The following NECTIN1 variants were observed in gnomAD, a reference collection of about 807,000 sequenced individuals.
NECTIN1 encodes nectin cell adhesion molecule 1.
A neutral mutation model predicts 48.0 loss-of-function variants in NECTIN1; 23 were observed. That is an observed-to-expected ratio of 0.48 (90% CI 0.34 to 0.68). The LOEUF is 0.68. NECTIN1 is among the 30% of genes least tolerant of loss of function. NECTIN1 has a pLI of 0.01. For synonymous variants in NECTIN1, 270 were observed against 288.9 expected (o/e 0.93, Z 0.66); for missense variants, 591 against 709.9 (o/e 0.83, Z 1.90).
downstream of NECTIN1, among the ~76,000 whole-genome samples, chr11:119,658,293 A>G (rs898134679): frequency 1.3e-5 from 2 of 152,164 alleles, no homozygotes; most frequent in Non-Finnish European, 2.9e-5. Flanking sequence ...GCAGCGCCTC[A>G]TCTGGGAGTA....
intron 1 of NECTIN1, among the ~76,000 whole-genome samples, chr11:119,682,818 A>T (rs1007430585): frequency 6.6e-6 from 1 of 152,020 alleles, no homozygotes; most frequent in African/African-American, 2.4e-5. Flanking sequence ...TCATTCAACA[A>T]ATATTTGCTG....
rs1271071689 is a variant in NECTIN1 at position 119,663,942 on chromosome 11, G to A, written c.*805C>T. ...AGGGGAAAGCAGGCAGAGAGGAGCA[G>A]TGTGTGCATGTGTGTGTGTGTGCAC... On this transcript the variant is annotated 3_prime_UTR_variant, in exon 6 of 6. Transcript: ENST00000264025. 2 of 985,954 alleles carry A rather than the reference G, an allele frequency of 2.0e-6. No homozygotes were observed. Among genetic ancestry groups the A allele is most frequent in the Non-Finnish European group, 1.2e-6 (1 of 830,398 alleles). 61.1% of individuals were successfully genotyped at this position (985,954 alleles called of 1,614,324 possible). A position where few individuals can be genotyped will look rare whatever the true frequency, so the allele number is the denominator to read the frequency against.
intron 1 of NECTIN1, among the ~76,000 whole-genome samples, chr11:119,710,722 G>T (rs1373102249): frequency 6.6e-6 from 1 of 152,170 alleles, no homozygotes; most frequent in Non-Finnish European, 1.5e-5. Context: ...GAGCTTATGG[G>T]ATAAGCCCAG....
rs1865930755 is a variant in NECTIN1 at position 119,727,576 on chromosome 11, A to G, written c.79+899T>C. ...GGGACTCGGTCGGATTTGCCTCCTAAACGCATTTTCCAGTTCATTCCCCAG... is the reference window on the plus strand; with the variant it reads ...GGGACTCGGTCGGATTTGCCTCCTAGACGCATTTTCCAGTTCATTCCCCAG... On this transcript the variant is annotated intron_variant, in intron 1 of 5. Transcript: ENST00000264025. This position sits in a 1 kb window ranked among gnomAD's most constrained non-coding sequence, Gnocchi z 4.1. Among the ~76,000 whole-genome samples the G allele has an allele frequency of 6.6e-6, 1 of 152,090 alleles. No individual in the cohort carries two copies. The highest frequency in any genetic ancestry group is 6.5e-5 in the Admixed American group (1 of 15,284).
chr11:119,678,389 C>A lies in NECTIN1; in HGVS notation c.430+26G>T. The A allele has an allele frequency of 6.2e-7, 1 of 1,603,822 alleles. No individual in the cohort carries two copies. Among genetic ancestry groups the A allele is most frequent in the Non-Finnish European group, 8.5e-7 (1 of 1,170,876 alleles). On this transcript the variant is annotated intron_variant, in intron 2 of 5. Coordinates refer to ENST00000264025, the MANE Select transcript of NECTIN1 (RefSeq NM_002855.5). The surrounding 1 kb of genome is among the most constrained non-coding windows in gnomAD (Gnocchi z 4.4). ...CCGAGGTCACAGGCCTCTGGATGAA[C>A]AGGGAGGGGGCCCAGGGCAGCTTAC...
chr11:119,671,253 C>T (rs960317928), intron 5 of NECTIN1, among the ~76,000 whole-genome samples: 1 of 151,984 alleles, frequency 6.6e-6, no homozygotes, highest in African/African-American at 2.4e-5. Flanking sequence ...AGCAGAGCTG[C>T]AAGGGCCGCA....
rs1865130134 is a variant in NECTIN1, at chr11:119,684,960, C to G, written c.80-6195G>C. Among the ~76,000 whole-genome samples, 1 of 151,952 alleles carries G rather than the reference C, an allele frequency of 6.6e-6. No homozygotes were observed. Among genetic ancestry groups the G allele is most frequent in the Non-Finnish European group, 1.5e-5 (1 of 67,970 alleles). ...CTGCCCCCTCCTGCCTCCAGACTCC[C>G]CTCTACACTCAGGATGGGGAGGAGG... On this transcript the variant is annotated intron_variant, in intron 1 of 5. Coordinates refer to ENST00000264025, the MANE Select transcript of NECTIN1 (RefSeq NM_002855.5). This position sits in a 1 kb window ranked among gnomAD's most constrained non-coding sequence, Gnocchi z 5.2.
rs1864732440 is a variant in NECTIN1, at chr11:119,664,840, G to GCCCAGAGT, written c.1453_1460dup (p.Tyr488LeufsTer113). ...CCAGCTGCTCAGGGTCGTACTGGTA[G>GCCCAGAGT]CCCAGAGTCCGGTCCCCGTAGCCGT... On this transcript the variant is annotated frameshift_variant, in exon 6 of 6. Coordinates refer to ENST00000264025, the MANE Select transcript of NECTIN1 (RefSeq NM_002855.5). LOFTEE classifies it high-confidence loss of function. 1 of 1,613,812 alleles carries GCCCAGAGT rather than the reference G, an allele frequency of 6.2e-7. No individual in the cohort carries two copies. Among genetic ancestry groups the GCCCAGAGT allele is most frequent in the Non-Finnish European group, 8.5e-7 (1 of 1,179,932 alleles).
At chr11:119,688,365 A>T (rs1279562987) in intron 1 of NECTIN1, among the ~76,000 whole-genome samples, 2 of 151,990 alleles carry the variant, frequency 1.3e-5, no homozygotes, top group East Asian at 3.9e-4. Flanking sequence ...CCACCCTGTG[A>T]TCCTGAGCAG....
intron 6 of NECTIN1, among the ~76,000 whole-genome samples, chr11:119,639,183 CA>C (rs2135521561): frequency 6.6e-6 from 1 of 152,252 alleles, no homozygotes; most frequent in South Asian, 2.1e-4. Context: ...CAGCCTTAGC[CA>C]GCACGGGAAA....
At position 119,663,019 on chromosome 11, in the gene NECTIN1, G is replaced by GAGGGC. The variant is rs1864693851; in HGVS notation, c.*1727_*1728insGCCCT. On this transcript the variant is annotated 3_prime_UTR_variant, in exon 6 of 6. Transcript: ENST00000264025. ...CAGGGGGTTCAATAGCAGCACCAGGGAGGGGAGGGGAGGGGTTGGGGGGCT... is the reference window on the plus strand; with the variant it reads ...CAGGGGGTTCAATAGCAGCACCAGGGAGGGCAGGGGAGGGGAGGGGTTGGGGGGCT... The GAGGGC allele has an allele frequency of 1.0e-6, 1 of 974,436 alleles. No homozygotes were observed. Among genetic ancestry groups the GAGGGC allele is most frequent in the African/African-American group, 1.8e-5 (1 of 54,786 alleles). The allele number at this position is 974,436 out of a possible 1,614,324, so 60.4% of individuals were successfully genotyped here.
chr11:119,701,760 C>T (rs1451995788), intron 1 of NECTIN1, among the ~76,000 whole-genome samples: 2 of 152,158 alleles, frequency 1.3e-5, no homozygotes, highest in Non-Finnish European at 2.9e-5. Flanking sequence ...GCTTTATTTT[C>T]CTGCCCAACA....
intron 5 of NECTIN1, among the ~76,000 whole-genome samples, chr11:119,655,013 G>A (rs889745518): frequency 1.9e-4 from 29 of 151,412 alleles, no homozygotes; most frequent in East Asian, 3.9e-4. Flanking sequence ...GGGATCTAGC[G>A]ATTCTCCGGC....
At chr11:119,654,611 G>A (rs531247041) in intron 5 of NECTIN1, among the ~76,000 whole-genome samples, 144 of 150,278 alleles carry the variant, frequency 9.6e-4, no homozygotes, top group Admixed American at 3.0e-3. Context: ...TCGCTCAGTC[G>A]CCCATGCTGG....
intron 1 of NECTIN1, among the ~76,000 whole-genome samples, chr11:119,726,692 A>G (rs1015482861): frequency 2.6e-5 from 4 of 152,174 alleles, no homozygotes; most frequent in Admixed American, 6.5e-5. Context: ...AACAAAAGGA[A>G]GGAGAATAGG....
chr11:119,703,514 G>A (rs563390971), intron 1 of NECTIN1, among the ~76,000 whole-genome samples: 3 of 152,266 alleles, frequency 2.0e-5, no homozygotes, highest in African/African-American at 7.2e-5. Flanking sequence ...GATCCCCTGT[G>A]TACCCAGGAT....
chr11:119,647,222 T>TGTGTGTGTGTGTGTGA (rs1365050105), intron 5 of NECTIN1, among the ~76,000 whole-genome samples: 9 of 108,012 alleles, frequency 8.3e-5, no homozygotes, highest in Non-Finnish European at 1.6e-4. Context: ...TGTGTGTGTG[T>TGTGTGTGTGTGTGTGA]GACTGTGACC....
rs751962749 is a variant in NECTIN1 at position 119,677,736 on chromosome 11, G to A, written c.552C>T (p.Ser184=). The A allele has an allele frequency of 3.1e-6, 5 of 1,614,042 alleles. No homozygotes were observed. In the African/African-American group the frequency reaches 5.3e-5, roughly 17 times the overall value. Residue 184 remains serine, a synonymous_variant, in exon 3 of 6, where the codon TCC becomes TCT. Coordinates refer to ENST00000264025, the MANE Select transcript of NECTIN1 (RefSeq NM_002855.5). The surrounding 1 kb of genome is among the most constrained non-coding windows in gnomAD (Gnocchi z 5.4). ...CCTCACCTTTTAACCGAGTTTCCCA[G>A]GATACCACACTGGGAGGCTTCCCAT... ...SANGKPPSVV[S]WETRLKGEAE...
rs1373189094 is a variant in NECTIN1 at position 119,709,768 on chromosome 11, C to T, written c.79+18707G>A. On this transcript the variant is annotated intron_variant, in intron 1 of 5. Coordinates refer to ENST00000264025, the MANE Select transcript of NECTIN1 (RefSeq NM_002855.5). The surrounding 1 kb of genome is among the most constrained non-coding windows in gnomAD (Gnocchi z 4.1). The stretch of plus-strand genomic sequence containing the variant: ...TTTGTGGAGAGAGGGCAGGACGAGG[C>T]GGAGCGGGTTTGAGGGGGAGGACCT... 2.6e-5 allele frequency among the ~76,000 whole-genome samples: 4 copies of T among 152,064 alleles called. No individual in the cohort carries two copies. The highest frequency in any genetic ancestry group is 6.5e-5 in the Admixed American group (1 of 15,268).
Sources: gnomAD v4.1 joint callset for allele counts (sites outside exome capture counted in the v4.1 genomes callset) on GRCh38, gnomAD v4.1.1 for gene constraint, Gnocchi (gnomAD v3.1) non-coding constraint, MANE v1.5 for transcripts, NCBI Gene and HGNC (gene_info 2026-07-23, HGNC 2026-07-21) for gene names.